Variants in REEP1 observed in about 807,000 individuals in gnomAD.
REEP1 encodes the protein receptor accessory protein 1, also known as receptor expression-enhancing protein 1.
Under a neutral mutation model 40.3 loss-of-function variants are expected in REEP1, and 22 were observed. The observed-to-expected ratio is 0.55, with a 90% CI of 0.39 to 0.78. The LOEUF (loss-of-function observed/expected upper bound fraction) is 0.78. REEP1 is among the 30% of genes least tolerant of loss of function. The pLI, the probability that REEP1 is intolerant of heterozygous loss-of-function variation, is 0.00. For missense variants in REEP1, 280 were observed against 361.1 expected (o/e 0.78, Z 1.82); for synonymous variants, 116 against 139.2 (o/e 0.83, Z 1.17).
intron 1 of REEP1, among the ~76,000 whole-genome samples, chr2:86,314,674 T>C (rs1289557265): frequency 6.6e-6 from 1 of 150,930 alleles, no homozygotes; most frequent in African/African-American, 2.4e-5. Context: ...GGAGGCAGTT[T>C]TTTCTTTTTT....
chr2:86,248,245 C>T (rs1021580177), intron 5 of REEP1, among the ~76,000 whole-genome samples: 6 of 151,472 alleles, frequency 4.0e-5, no homozygotes, highest in Non-Finnish European at 8.9e-5. Context: ...CACCATGCAA[C>T]ACTCTCTCTT....
intron 1 of REEP1, among the ~76,000 whole-genome samples, chr2:86,326,994 G>C (rs1468439903): frequency 6.6e-6 from 1 of 152,208 alleles, no homozygotes; most frequent in Non-Finnish European, 1.5e-5. Flanking sequence ...TCGGGCTAGT[G>C]ATTTTGACAG....
rs1444398866 is a variant in REEP1, at chr2:86,214,393, G to C, written c.*2646C>G. 1 of 152,610 alleles carries C rather than the reference G, an allele frequency of 6.6e-6. No homozygotes were observed. The highest frequency in any genetic ancestry group is 1.9e-4 in the East Asian group (1 of 5,188). 9.5% of individuals were successfully genotyped at this position (152,610 alleles called of 1,614,324 possible). ...AAGCTATTCACACAAAGCCAGGAGG[G>C]ATTATGACTAAACTCTCCAGTTTAT... is the stretch of plus-strand genomic sequence containing the variant. On this transcript the variant is annotated 3_prime_UTR_variant, in exon 9 of 9. Transcript: ENST00000538924.
chr2:86,254,294 T>C (rs1411410735), intron 4 of REEP1, among the ~76,000 whole-genome samples: 1 of 152,148 alleles, frequency 6.6e-6, no homozygotes, highest in Non-Finnish European at 1.5e-5. Context: ...TACCCCTGAG[T>C]AGCTGGAATT....
At position 86,213,996 on chromosome 2, in the gene REEP1, T is replaced by C. The variant is rs1673976333; in HGVS notation, c.*3043A>G. 3.7e-6 allele frequency: 1 copy of C among 271,690 alleles called. No homozygotes were observed. The allele number at this position is 271,690 out of a possible 1,614,324, so 16.8% of individuals were successfully genotyped here. A position where few individuals can be genotyped will look rare whatever the true frequency, so the allele number is the denominator to read the frequency against. ...TAAGCCCAACATTACAAAGATGTTT[T>C]TTAAAAGAAAAATGTTAAGACTTTA... On this transcript the variant is annotated 3_prime_UTR_variant, in exon 9 of 9. Coordinates refer to ENST00000538924, the MANE Select transcript of REEP1 (RefSeq NM_001371279.1).
chr2:86,284,522 G>A (rs1185361925), intron 1 of REEP1, among the ~76,000 whole-genome samples: 4 of 152,182 alleles, frequency 2.6e-5, no homozygotes, highest in Non-Finnish European at 5.9e-5. Flanking sequence ...TCTCGGTAGC[G>A]AGGTGGACGC....
intron 1 of REEP1, among the ~76,000 whole-genome samples, chr2:86,292,583 G>C (rs1055470191): frequency 1.3e-5 from 2 of 152,134 alleles, no homozygotes; most frequent in Non-Finnish European, 2.9e-5. Flanking sequence ...CCAGACCTCA[G>C]AGCCAGAGAC....
intron 1 of REEP1, among the ~76,000 whole-genome samples, chr2:86,303,519 G>A (rs908888406): frequency 1.0e-4 from 14 of 140,200 alleles, no homozygotes; most frequent in African/African-American, 3.6e-4. Flanking sequence ...ACGCCTGGCT[G>A]CCTGGCTAAT....
chr2:86,270,153 C>T (rs1489690173), intron 2 of REEP1, among the ~76,000 whole-genome samples: 5 of 148,870 alleles, frequency 3.4e-5, no homozygotes, highest in African/African-American at 1.2e-4. Context: ...GAAAAGGATG[C>T]GTTCAGTATC....
intron 6 of REEP1, among the ~76,000 whole-genome samples, chr2:86,231,706 C>G (rs1379642829): frequency 6.6e-6 from 1 of 152,124 alleles, no homozygotes; most frequent in Admixed American, 6.5e-5. Context: ...CGTCCCCCAC[C>G]CCCCCACCAT....
chr2:86,297,766 T>C, intron 1 of REEP1: 2 of 979,378 alleles, frequency 2.0e-6, no homozygotes, highest in Non-Finnish European at 2.4e-6. Flanking sequence ...TGGTTCTGGG[T>C]GTGAGGGAAA....
chr2:86,316,398 A>T (rs1680009694), intron 1 of REEP1, among the ~76,000 whole-genome samples: 1 of 151,536 alleles, frequency 6.6e-6, no homozygotes, highest in Admixed American at 6.6e-5. Flanking sequence ...ACAAAAAAAA[A>T]TTAGCCGGGT....
At chr2:86,230,367 TGGGGGC>T (rs1372618242) in intron 6 of REEP1, among the ~76,000 whole-genome samples, 2 of 152,240 alleles carry the variant, frequency 1.3e-5, no homozygotes, top group Admixed American at 6.5e-5. Flanking sequence ...ATTCTGGGCC[TGGGGGC>T]CTCAGCCCAG....
chr2:86,313,300 C>CTTTTT (rs77130679), intron 1 of REEP1, among the ~76,000 whole-genome samples: 1 of 136,558 alleles, frequency 7.3e-6, no homozygotes, highest in Non-Finnish European at 1.5e-5. Flanking sequence ...CTTTTCTTTT[C>CTTTTT]TTTTTTTTTT....
At chr2:86,280,146 C>A (rs1273139258) in intron 2 of REEP1, 2 of 428,970 alleles carry the variant, frequency 4.7e-6, no homozygotes, top group Admixed American at 2.6e-5. Flanking sequence ...GCGCATTAGT[C>A]GAAAGGACTG....
At chr2:86,337,836 C>T (rs1030640766), upstream of REEP1, among the ~76,000 whole-genome samples, 2 of 151,982 alleles carry the variant, frequency 1.3e-5, no homozygotes, top group African/African-American at 4.8e-5. The surrounding 1 kb of genome is among the most constrained non-coding windows in gnomAD (Gnocchi z 5.8). Context: ...CCCGGGGCAC[C>T]GGCCCCGCCA....
chr2:86,297,934 T>C (rs537692528), intron 1 of REEP1, among the ~76,000 whole-genome samples: 5 of 152,288 alleles, frequency 3.3e-5, no homozygotes, highest in Middle Eastern at 3.4e-3. Context: ...ATAGTATAAT[T>C]TGGCAAAAAC....
At position 86,254,886 on chromosome 2, in the gene REEP1, G is replaced by A. The variant is rs552958284; in HGVS notation, c.183-72C>T. Reference sequence around the variant, plus strand: ...ACTGCCCTTTTGAAGGATGAGACCCGGTGGGTGGCAAGGACGCCTCTCCTG... The same window carrying A: ...ACTGCCCTTTTGAAGGATGAGACCCAGTGGGTGGCAAGGACGCCTCTCCTG... On this transcript the variant is annotated intron_variant, in intron 3 of 8. Coordinates refer to ENST00000538924, the MANE Select transcript of REEP1 (RefSeq NM_001371279.1). 108 of 1,564,174 alleles carry A rather than the reference G, an allele frequency of 6.9e-5. 1 individual carries two copies. The East Asian group carries it at 1.3e-3, about 19-fold the overall frequency.
At chr2:86,292,534 G>A (rs1287093149) in intron 1 of REEP1, among the ~76,000 whole-genome samples, 1 of 152,110 alleles carries the variant, frequency 6.6e-6, no homozygotes, top group Non-Finnish European at 1.5e-5. Flanking sequence ...TACAATGACT[G>A]TCCTGTGGTT....
Sources: allele counts gnomAD v4.1 joint callset (sites outside exome capture counted in the v4.1 genomes callset), GRCh38; gene constraint gnomAD v4.1.1; non-coding constraint Gnocchi (gnomAD v3.1); transcripts MANE v1.5; gene names NCBI Gene and HGNC (gene_info 2026-07-23, HGNC 2026-07-21).